PRELID2: variants seen among roughly 807,000 people sequenced by gnomAD.
The protein encoded by PRELID2 is PRELI domain containing 2, also known as PRELI domain-containing protein 2.
A neutral mutation model predicts 28.4 loss-of-function variants in PRELID2; 25 were observed. The ratio of observed to expected loss-of-function variants is 0.88; its 90% CI spans 0.64 to 1.23. The LOEUF is 1.23. Among genes scored for constraint, PRELID2 ranks in the 50% most tolerant of loss-of-function variants. The pLI is 0.00. For missense variants in PRELID2, 201 were observed against 214.4 expected, an observed-to-expected ratio of 0.94 and a Z score of 0.39; for synonymous variants, 76 against 71.6, an observed-to-expected ratio of 1.06 and a Z score of -0.31.
At chr5:145,263,673 A>G in the PRELID2 span, among the ~76,000 whole-genome samples, 1 of 152,072 alleles carries the variant, frequency 6.6e-6, no homozygotes, top group African/African-American at 2.4e-5. Flanking sequence ...TACCATAGAA[A>G]TACAAAAGAT....
chr5:145,334,681 A>G, the PRELID2 span, among the ~76,000 whole-genome samples: 16 of 152,200 alleles, frequency 1.1e-4, no homozygotes, highest in South Asian at 4.1e-4. Context: ...AGTGATGTCA[A>G]ACTTCCTCAG....
the PRELID2 span, among the ~76,000 whole-genome samples, chr5:145,237,975 C>G: frequency 3.9e-5 from 6 of 152,038 alleles, no homozygotes; most frequent in Non-Finnish European, 8.8e-5. Context: ...ATCCTACTAG[C>G]TTACTCGAGG....
the PRELID2 span, among the ~76,000 whole-genome samples, chr5:145,358,042 C>T: frequency 5.3e-5 from 8 of 151,974 alleles, no homozygotes; most frequent in African/African-American, 1.7e-4. Context: ...TGATTACTGT[C>T]TCCATGCCTG....
intron 1 of PRELID2, among the ~76,000 whole-genome samples, chr5:145,603,971 A>G (rs1035701322): frequency 2.6e-5 from 4 of 152,128 alleles, no homozygotes; most frequent in African/African-American, 9.6e-5. Context: ...AAGATGATAT[A>G]CAGCAGGTGA....
intron 1 of PRELID2, among the ~76,000 whole-genome samples, chr5:145,697,080 T>TATGC (rs1554084239): frequency 1.2e-5 from 1 of 85,962 alleles, no homozygotes; most frequent in South Asian, 3.7e-4. Flanking sequence ...TATATATATA[T>TATGC]ACACACACAC....
chr5:145,238,144 G>A, the PRELID2 span, among the ~76,000 whole-genome samples: 1 of 152,154 alleles, frequency 6.6e-6, no homozygotes, highest in Non-Finnish European at 1.5e-5. Context: ...CTCCCTATTA[G>A]CTTGCTATGA....
the PRELID2 span, among the ~76,000 whole-genome samples, chr5:145,252,239 T>C: frequency 2.6e-5 from 4 of 152,248 alleles, no homozygotes; most frequent in South Asian, 4.1e-4. Context: ...TTGATTCTTA[T>C]GTTAAAGTCC....
At chr5:145,375,501 G>A in the PRELID2 span, among the ~76,000 whole-genome samples, 1 of 152,112 alleles carries the variant, frequency 6.6e-6, no homozygotes, top group Non-Finnish European at 1.5e-5. Context: ...TTGTCCCTTG[G>A]TGGAGAGGGT....
Position 145,738,599 on chromosome 5 carries a change from C to T in PRELID2, n.70+26332G>A, listed in dbSNP as rs188821053. On this transcript the variant is annotated intron_variant and non_coding_transcript_variant, in intron 1 of 2. Transcript: ENST00000510259. ...ATGGGGAAAGGAAAGAATTGGTAAACTGGAAGATACAACAATAGAAATTAC... is the reference window on the plus strand; with the variant it reads ...ATGGGGAAAGGAAAGAATTGGTAAATTGGAAGATACAACAATAGAAATTAC... Among the ~76,000 whole-genome samples the T allele has an allele frequency of 1.1e-4, 17 of 151,828 alleles. No individual in the cohort carries two copies. The East Asian group carries it at 3.3e-3, about 29-fold the overall frequency.
At position 145,820,429 on chromosome 5, in the gene PRELID2, C is replaced by CCAA. The variant is rs200929134; in HGVS notation, c.134-412_134-411insTTG. 7.0e-3 allele frequency among the ~76,000 whole-genome samples: 1,060 copies of CCAA among 152,230 alleles called. 14 individuals are homozygous for CCAA. The highest frequency in any genetic ancestry group is 0.024 in the African/African-American group (1,006 of 41,530). ...GAAAGAATCACAACCGTTCGCTGCT[C>CCAA]TGGACTATCCGTGTCAGTACTCCAA... On this transcript the variant is annotated intron_variant, in intron 2 of 6. Coordinates refer to ENST00000683046, the MANE Select transcript of PRELID2 (RefSeq NM_205846.3).
At chr5:145,723,110 T>C in intron 1 of PRELID2, among the ~76,000 whole-genome samples, 1 of 152,292 alleles carries the variant, frequency 6.6e-6, no homozygotes, top group East Asian at 1.9e-4. Flanking sequence ...CAGACCAATA[T>C]AGCTTATAAA....
Position 145,760,279 on chromosome 5 carries a change from A to G in PRELID2, c.*257T>C, listed in dbSNP as rs1433854874. The G allele has an allele frequency of 6.6e-6, 1 of 152,164 alleles. No homozygotes were observed. Among genetic ancestry groups the G allele is most frequent in the Non-Finnish European group, 1.5e-5 (1 of 68,044 alleles). The allele number at this position is 152,164 out of a possible 1,614,324, so 9.4% of individuals were successfully genotyped here. A position where few individuals can be genotyped will look rare whatever the true frequency, so the allele number is the denominator to read the frequency against. On this transcript the variant is annotated 3_prime_UTR_variant, in exon 7 of 7. Coordinates refer to ENST00000683046, the MANE Select transcript of PRELID2 (RefSeq NM_205846.3). ...TCTTTTTTCCTTTATTTGTAAAATT[A>G]TAAAGAGATTGTGTCATAAAAATCC...
At chr5:145,426,581 A>G in the PRELID2 span, among the ~76,000 whole-genome samples, 1 of 152,198 alleles carries the variant, frequency 6.6e-6, no homozygotes, top group Non-Finnish European at 1.5e-5. Context: ...TTTATGGTAC[A>G]TTGCCTATAT....
intron 1 of PRELID2, among the ~76,000 whole-genome samples, chr5:145,631,701 G>A (rs576395059): frequency 2.6e-5 from 4 of 152,152 alleles, no homozygotes; most frequent in East Asian, 1.9e-4. Flanking sequence ...GTCAATGAAC[G>A]AATAACTAAT....
intron 1 of PRELID2, among the ~76,000 whole-genome samples, chr5:145,707,866 CAAG>C (rs1017672693): frequency 3.9e-5 from 6 of 152,070 alleles, no homozygotes; most frequent in Non-Finnish European, 2.9e-5. Flanking sequence ...CTGCCACAGA[CAAG>C]AAGGAGAGAG....
At chr5:145,257,619 T>A in the PRELID2 span, among the ~76,000 whole-genome samples, 1 of 152,126 alleles carries the variant, frequency 6.6e-6, no homozygotes, top group South Asian at 2.1e-4. Flanking sequence ...GAATATAGAA[T>A]GTTTGAGAGT....
the PRELID2 span, among the ~76,000 whole-genome samples, chr5:145,260,593 A>G: frequency 6.1e-4 from 93 of 152,340 alleles, no homozygotes; most frequent in East Asian, 2.5e-3. Flanking sequence ...TTGTGGATAC[A>G]TAGTAGGTGT....
chr5:145,762,196 ACTC>A (rs1339034228), intron 6 of PRELID2, among the ~76,000 whole-genome samples: 2 of 152,066 alleles, frequency 1.3e-5, no homozygotes, highest in African/African-American at 4.8e-5. Flanking sequence ...CCTGTACTAA[ACTC>A]CTGGTTATAT....
At chr5:145,354,122 A>G in the PRELID2 span, among the ~76,000 whole-genome samples, 1 of 152,216 alleles carries the variant, frequency 6.6e-6, no homozygotes, top group African/African-American at 2.4e-5. Flanking sequence ...CACTCACTCG[A>G]TCTTAGCAAA....
Sources: allele counts gnomAD v4.1 joint callset (sites outside exome capture counted in the v4.1 genomes callset), GRCh38; gene constraint gnomAD v4.1.1; transcripts MANE v1.5; gene names NCBI Gene and HGNC (gene_info 2026-07-23, HGNC 2026-07-21).